The following MMP26 variants were observed in gnomAD, a reference collection of about 807,000 sequenced individuals.
MMP26 encodes the protein matrix metallopeptidase 26.
MMP26 carries 33 observed loss-of-function variants against 31.0 expected under a neutral mutation model. The ratio of observed to expected loss-of-function variants is 1.06; its 90% CI spans 0.81 to 1.42. The LOEUF (loss-of-function observed/expected upper bound fraction) is 1.42, where lower values mean the gene tolerates loss of function less well. MMP26 is among the 40% of genes most tolerant of loss of function. The pLI, the probability that MMP26 is intolerant of heterozygous loss-of-function variation, is 0.00. For missense variants in MMP26, 347 were observed against 316.1 expected, an observed-to-expected ratio of 1.10 and a Z score of -0.74; for synonymous variants, 122 against 114.9, an observed-to-expected ratio of 1.06 and a Z score of -0.40.
intron 1 of MMP26, among the ~76,000 whole-genome samples, chr11:4,726,398 G>GTTGAAATGAGCCGAGA (rs1848100588): frequency 6.6e-6 from 1 of 151,872 alleles, no homozygotes; most frequent in Admixed American, 6.6e-5. Context: ...GGAGACGGAG[G>GTTGAAATGAGCCGAGA]TTGAAATGAG....
In MMP26 at chr11:4,869,202, C is replaced by A. The variant is rs556612343; in HGVS notation, c.-145+101861C>A. Among the ~76,000 whole-genome samples the A allele has an allele frequency of 2.2e-4, 33 of 152,152 alleles. No homozygotes were observed. In the South Asian group the frequency reaches 5.2e-3, roughly 24 times the overall value. ...ACACCAAAAGCAATGGCAACAAAAGCCAAAATGGACAAATGGGATCTAATT... is the reference window on the plus strand; with the variant it reads ...ACACCAAAAGCAATGGCAACAAAAGACAAAATGGACAAATGGGATCTAATT... On this transcript the variant is annotated intron_variant, in intron 2 of 7. Coordinates refer to ENST00000380390, the MANE Select transcript of MMP26 (RefSeq NM_021801.5).
intron 2 of MMP26, among the ~76,000 whole-genome samples, chr11:4,922,046 C>T (rs972363443): frequency 3.3e-5 from 5 of 152,166 alleles, no homozygotes; most frequent in African/African-American, 1.2e-4. Context: ...ATTTCGAACA[C>T]TATGTCCAGG....
intron 1 of MMP26, among the ~76,000 whole-genome samples, chr11:4,744,569 G>A (rs1848355390): frequency 6.6e-6 from 1 of 152,156 alleles, no homozygotes; most frequent in South Asian, 2.1e-4. Flanking sequence ...TCCCAGAATA[G>A]AGGATATTTA....
intron 1 of MMP26, chr11:4,723,960 G>A: frequency 1.3e-6 from 1 of 769,480 alleles, no homozygotes; most frequent in Non-Finnish European, 2.3e-6. Context: ...GACTCAGCAG[G>A]TTCTGGTTGA....
At chr11:4,899,148 T>G (rs1315325267) in intron 2 of MMP26, among the ~76,000 whole-genome samples, 7 of 152,196 alleles carry the variant, frequency 4.6e-5, no homozygotes, top group Non-Finnish European at 1.0e-4. Flanking sequence ...AGGACTTATC[T>G]GTATTCCCAT....
In MMP26 at chr11:4,803,220, T is replaced by A. The variant is rs141369582; in HGVS notation, c.-145+35879T>A. ...TTTCCATGTGATGATGAATATGTAGTCAACAAAGTTGTTCTTATCCATCAC... is the reference window on the plus strand; with the variant it reads ...TTTCCATGTGATGATGAATATGTAGACAACAAAGTTGTTCTTATCCATCAC... On this transcript the variant is annotated intron_variant, in intron 2 of 7. Transcript: ENST00000380390. Among the ~76,000 whole-genome samples the A allele has an allele frequency of 1.8e-3, 275 of 152,348 alleles. 3 individuals are homozygous for A. Among genetic ancestry groups the A allele is most frequent in the African/African-American group, 6.3e-3 (263 of 41,584 alleles).
chr11:4,882,284 T>A, intron 2 of MMP26: 1 of 1,613,996 alleles, frequency 6.2e-7, no homozygotes, highest in Non-Finnish European at 8.5e-7. Context: ...CGTGGCTATC[T>A]GTAACCCACT....
At chr11:4,756,158 G>A (rs1332144786) in intron 1 of MMP26, among the ~76,000 whole-genome samples, 1 of 151,964 alleles carries the variant, frequency 6.6e-6, no homozygotes, top group African/African-American at 2.4e-5. Context: ...GAATTAAAGT[G>A]CACATTGAAC....
chr11:4,819,057 G>A (rs1849458205), intron 2 of MMP26, among the ~76,000 whole-genome samples: 1 of 152,088 alleles, frequency 6.6e-6, no homozygotes, highest in South Asian at 2.1e-4. Flanking sequence ...AGAAAATTGG[G>A]TCATTTTTAT....
chr11:4,924,056 C>A (rs746509500), intron 2 of MMP26: 1 of 1,614,050 alleles, frequency 6.2e-7, no homozygotes, highest in East Asian at 2.2e-5. Flanking sequence ...GGCAGGGATG[C>A]CAATCTCTCT....
At chr11:4,962,340 C>G (rs1256892527) in intron 2 of MMP26, among the ~76,000 whole-genome samples, 1 of 152,174 alleles carries the variant, frequency 6.6e-6, no homozygotes, top group African/African-American at 2.4e-5. Context: ...AACCCACTCT[C>G]ACAACATTAC....
At chr11:4,787,965 G>T (rs1370523622) in intron 2 of MMP26, among the ~76,000 whole-genome samples, 2 of 152,132 alleles carry the variant, frequency 1.3e-5, no homozygotes, top group South Asian at 2.1e-4. Context: ...AATATTGAAT[G>T]ATTAGTTTAA....
chr11:4,783,613 G>T (rs1197738537), intron 2 of MMP26, among the ~76,000 whole-genome samples: 1 of 152,140 alleles, frequency 6.6e-6, no homozygotes, highest in East Asian at 1.9e-4. Flanking sequence ...GAAGAAGTGA[G>T]ATTTAGGAGG....
At chr11:4,707,485 C>T (rs544489567) in intron 1 of MMP26, among the ~76,000 whole-genome samples, 22 of 152,204 alleles carry the variant, frequency 1.4e-4, no homozygotes, top group Admixed American at 7.2e-4. Flanking sequence ...ATAAAAAGAA[C>T]ATTAAATTGA....
chr11:4,868,989 T>C (rs552591792), intron 2 of MMP26, among the ~76,000 whole-genome samples: 5 of 152,294 alleles, frequency 3.3e-5, no homozygotes, highest in African/African-American at 7.2e-5. Flanking sequence ...ATTTAATAAA[T>C]GGAGCTGGGA....
chr11:4,822,416 T>C (rs1370111212), intron 2 of MMP26: 5 of 1,424,066 alleles, frequency 3.5e-6, no homozygotes, highest in Non-Finnish European at 4.6e-6. Flanking sequence ...TATGAATAAG[T>C]GCTTTGCTAC....
At chr11:4,978,951 C>T (rs1034873398) in intron 2 of MMP26, among the ~76,000 whole-genome samples, 2 of 152,056 alleles carry the variant, frequency 1.3e-5, no homozygotes, top group African/African-American at 4.8e-5. Flanking sequence ...CAAGATATGA[C>T]AAAGTAAGCA....
chr11:4,985,819 A>G (rs1038436822), intron 2 of MMP26, among the ~76,000 whole-genome samples: 6 of 152,226 alleles, frequency 3.9e-5, no homozygotes, highest in Non-Finnish European at 8.8e-5. Flanking sequence ...TTACCCAGAT[A>G]TCAGTCAAGA....
chr11:4,971,806 G>A (rs1031929063), intron 2 of MMP26, among the ~76,000 whole-genome samples: 2 of 152,148 alleles, frequency 1.3e-5, no homozygotes, highest in Admixed American at 1.3e-4. Flanking sequence ...ATTGGTGGAA[G>A]GGGAAAGGGA....
Sources: gnomAD v4.1 joint callset for allele counts (sites outside exome capture counted in the v4.1 genomes callset) on GRCh38, gnomAD v4.1.1 for gene constraint, MANE v1.5 for transcripts, NCBI Gene and HGNC (gene_info 2026-07-23, HGNC 2026-07-21) for gene names.